Variants in PCTP observed in about 807,000 individuals in gnomAD.
PCTP encodes the protein phosphatidylcholine transfer protein, also known as START domain-containing protein 2.
In PCTP, 27 loss-of-function variants were observed where a neutral mutation model predicts 31.0. That is an observed-to-expected ratio of 0.87 (90% CI 0.64 to 1.20). The LOEUF (loss-of-function observed/expected upper bound fraction) is 1.20. Among genes scored for constraint, PCTP ranks in the 50% most tolerant of loss-of-function variants. PCTP has a pLI of 0.00. For missense variants in PCTP, 287 were observed against 268.2 expected, an observed-to-expected ratio of 1.07 and a Z score of -0.49; for synonymous variants, 108 against 101.2, an observed-to-expected ratio of 1.07 and a Z score of -0.40.
At chr17:55,780,988 T>C (rs1047532052), downstream of PCTP, among the ~76,000 whole-genome samples, 3 of 150,986 alleles carry the variant, frequency 2.0e-5, no homozygotes, top group Non-Finnish European at 4.4e-5. Context: ...GAAATAGACT[T>C]CTTTCTTATT....
intron 3 of PCTP, among the ~76,000 whole-genome samples, chr17:55,819,046 A>T (rs9889589): frequency 0.044 from 6,532 of 149,630 alleles, 502 homozygotes; most frequent in African/African-American, 0.15. Flanking sequence ...AAGAAAAGGA[A>T]AGAAGAGAGG....
At chr17:55,823,037 A>G in exon 4 of PCTP, 1 of 340,418 alleles carries the variant, frequency 2.9e-6, no homozygotes, top group Admixed American at 4.8e-5. Context: ...TGTGTTCACT[A>G]TCATCTATGT....
intron 5 of PCTP, among the ~76,000 whole-genome samples, chr17:55,840,687 G>C (rs1047866893): frequency 6.6e-6 from 1 of 152,138 alleles, no homozygotes; most frequent in Non-Finnish European, 1.5e-5. Flanking sequence ...TATTAATGTT[G>C]ACTTCTTACT....
At chr17:55,805,349 T>A (rs1484346466) in intron 3 of PCTP, among the ~76,000 whole-genome samples, 1 of 152,114 alleles carries the variant, frequency 6.6e-6, no homozygotes, top group Non-Finnish European at 1.5e-5. Context: ...TTTTCAACCT[T>A]GTCCTCCTTC....
chr17:55,767,536 C>A, intron 2 of PCTP, 84 bp downstream of exon 2: 1 of 911,952 alleles, frequency 1.1e-6, no homozygotes, highest in Admixed American at 2.1e-5. Flanking sequence ...AGGATCTCAG[C>A]TCACCGCAAT....
chr17:55,845,674 C>T (rs1906124643), downstream of PCTP, among the ~76,000 whole-genome samples: 1 of 152,172 alleles, frequency 6.6e-6, no homozygotes, highest in Non-Finnish European at 1.5e-5. Context: ...GGCCTGTCAG[C>T]ATTTCAGCTC....
chr17:55,844,673 G>C (rs140085682), downstream of PCTP, among the ~76,000 whole-genome samples: 138 of 152,150 alleles, frequency 9.1e-4, no homozygotes, highest in African/African-American at 3.0e-3. Flanking sequence ...TCTAATCCCT[G>C]CTCAGCCATT....
Position 55,751,126 on chromosome 17 carries a change from T to C in PCTP, c.23T>C (p.Phe8Ser), listed in dbSNP as rs374044830. The C allele has an allele frequency of 4.1e-5, 63 of 1,543,448 alleles. No individual in the cohort carries two copies. The East Asian group carries it at 6.4e-4, about 16-fold the overall frequency. ...AGGATGGAGCTGGCCGCCGGAAGCT[T>C]CTCGGAGGAGCAGTTCTGGGAGGCC... MELAAGS[F>S]SEEQFWEACA... is the part of the protein sequence containing the mutation. The change falls in exon 1 of 6, where the codon TTC (phenylalanine) becomes TCC (serine). Residue 8 changes from phenylalanine (F) to serine (S), a missense_variant. Transcript: ENST00000268896.
chr17:55,842,348 G>A (rs567661365), intron 5 of PCTP, among the ~76,000 whole-genome samples: 1 of 152,184 alleles, frequency 6.6e-6, no homozygotes, highest in African/African-American at 2.4e-5. Flanking sequence ...AATGGGAACT[G>A]TTTGGTTTAA....
chr17:55,795,602 A>G (rs1290800888), intron 3 of PCTP, among the ~76,000 whole-genome samples: 1 of 152,092 alleles, frequency 6.6e-6, no homozygotes, highest in Non-Finnish European at 1.5e-5. Context: ...TTTGCATAAA[A>G]GCTACTTAAA....
chr17:55,840,992 C>T (rs1177600451), intron 5 of PCTP, among the ~76,000 whole-genome samples: 3 of 152,188 alleles, frequency 2.0e-5, no homozygotes, highest in Non-Finnish European at 2.9e-5. Context: ...TAGGGTTTAA[C>T]GCTATCTGCA....
chr17:55,800,793 C>A (rs1002980605), intron 3 of PCTP, among the ~76,000 whole-genome samples: 6 of 152,020 alleles, frequency 3.9e-5, no homozygotes, highest in African/African-American at 1.2e-4. Context: ...AGTTGGTGAC[C>A]TTCAATAGGA....
intron 1 of PCTP, among the ~76,000 whole-genome samples, chr17:55,754,923 CCA>C (rs938393643): frequency 1.3e-5 from 2 of 151,814 alleles, no homozygotes; most frequent in African/African-American, 4.8e-5. Context: ...ACACACGCCG[CCA>C]CACATATGTA....
At chr17:55,841,929 A>G (rs1437935883) in intron 5 of PCTP, among the ~76,000 whole-genome samples, 1 of 152,142 alleles carries the variant, frequency 6.6e-6, no homozygotes, top group Non-Finnish European at 1.5e-5. Context: ...CTGAACCTCT[A>G]TTTACCTATC....
downstream of PCTP, among the ~76,000 whole-genome samples, chr17:55,824,135 T>C (rs79678772): frequency 0.039 from 5,904 of 152,178 alleles, 364 homozygotes; most frequent in African/African-American, 0.13. Context: ...AACTTGATGT[T>C]CTCTTTTTAA....
chr17:55,752,250 A>G lies in PCTP; in HGVS notation c.141+1006A>G, dbSNP rs372013514. Among the ~76,000 whole-genome samples the G allele has an allele frequency of 1.2e-4, 19 of 152,358 alleles. 1 individual carries two copies. The highest frequency in any genetic ancestry group is 9.1e-4 in the Admixed American group (14 of 15,302). Reference sequence around the variant, plus strand: ...AGTGTTTTTATATTTTAAAACAGAAAACAAACGTTTGCAATATTTAGAAGT... The same window carrying G: ...AGTGTTTTTATATTTTAAAACAGAAGACAAACGTTTGCAATATTTAGAAGT... On this transcript the variant is annotated intron_variant, in intron 1 of 5. Transcript: ENST00000268896.
At chr17:55,790,178 C>A (rs1233000531) in intron 3 of PCTP, among the ~76,000 whole-genome samples, 5 of 152,124 alleles carry the variant, frequency 3.3e-5, no homozygotes, top group Non-Finnish European at 4.4e-5. Flanking sequence ...CTATCTGTGA[C>A]AAACCCACAG....
chr17:55,833,975 A>G (rs1905693410), intron 5 of PCTP, among the ~76,000 whole-genome samples: 1 of 152,180 alleles, frequency 6.6e-6, no homozygotes, highest in South Asian at 2.1e-4. Flanking sequence ...TTTATAACAT[A>G]TTTATAACTT....
At chr17:55,837,348 G>A (rs536497177) in intron 5 of PCTP, among the ~76,000 whole-genome samples, 1 of 152,274 alleles carries the variant, frequency 6.6e-6, no homozygotes, top group South Asian at 2.1e-4. Context: ...ACAAGAACGT[G>A]TGCACTAGAC....
Sources: gnomAD v4.1 joint callset for allele counts (sites outside exome capture counted in the v4.1 genomes callset) on GRCh38, gnomAD v4.1.1 for gene constraint, MANE v1.5 for transcripts, NCBI Gene and HGNC (gene_info 2026-07-23, HGNC 2026-07-21) for gene names.